NFATC1: variants seen among roughly 807,000 people sequenced by gnomAD.
The protein encoded by NFATC1 is nuclear factor of activated T-cells, cytoplasmic 1.
NFATC1 carries 22 observed loss-of-function variants against 76.0 expected under a neutral mutation model. The observed-to-expected ratio is 0.29, with a 90% CI of 0.21 to 0.41. The LOEUF (loss-of-function observed/expected upper bound fraction) is 0.41. NFATC1 is among the 10% of genes least tolerant of loss of function. NFATC1 has a pLI of 1.00. For synonymous variants in NFATC1, 704 were observed against 613.1 expected, an observed-to-expected ratio of 1.15 and a Z score of -2.19; for missense variants, 1,357 against 1,337.7, an observed-to-expected ratio of 1.01 and a Z score of -0.23.
chr18:79,419,412 G>C (rs893094667), intron 2 of NFATC1, among the ~76,000 whole-genome samples: 1 of 144,522 alleles, frequency 6.9e-6, no homozygotes, highest in African/African-American at 2.6e-5. Flanking sequence ...CTGCCCGGGA[G>C]CCCCCTAGGA....
At chr18:79,412,163 G>A (rs1199846459) in intron 2 of NFATC1, among the ~76,000 whole-genome samples, 3 of 152,216 alleles carry the variant, frequency 2.0e-5, no homozygotes, top group African/African-American at 7.2e-5. Flanking sequence ...CTTTTTAACC[G>A]TGTGAGGGGC....
chr18:79,520,957 C>CCATG (rs1335373489), intron 9 of NFATC1, among the ~76,000 whole-genome samples: 1 of 65,458 alleles, frequency 1.5e-5, no homozygotes, highest in Non-Finnish European at 2.8e-5. Flanking sequence ...ATGTGTGTGT[C>CCATG]TGTGTGTGGG....
chr18:79,423,819 A>T (rs2086185708), intron 2 of NFATC1, among the ~76,000 whole-genome samples: 1 of 152,084 alleles, frequency 6.6e-6, no homozygotes, highest in Middle Eastern at 3.2e-3. Flanking sequence ...TCCCATGGGC[A>T]CAGAGCTTGG....
At chr18:79,526,061 C>G (rs1489923872) in intron 9 of NFATC1, among the ~76,000 whole-genome samples, 1 of 152,210 alleles carries the variant, frequency 6.6e-6, no homozygotes, top group Non-Finnish European at 1.5e-5. Context: ...ACGTGCGACC[C>G]CCACACAGAA....
At chr18:79,434,686 C>T (rs1472954149) in intron 3 of NFATC1, among the ~76,000 whole-genome samples, 1 of 152,242 alleles carries the variant, frequency 6.6e-6, no homozygotes, top group Non-Finnish European at 1.5e-5. Flanking sequence ...ATGATGCAAG[C>T]CGGAAGGGGT....
At chr18:79,487,382 C>T (rs987194440) in intron 9 of NFATC1, among the ~76,000 whole-genome samples, 5 of 152,192 alleles carry the variant, frequency 3.3e-5, no homozygotes, top group Admixed American at 6.5e-5. Context: ...GCCGAGGTGA[C>T]GAGCACGTTA....
chr18:79,445,473 C>A (rs2087168296), intron 3 of NFATC1, among the ~76,000 whole-genome samples: 1 of 152,192 alleles, frequency 6.6e-6, no homozygotes, highest in East Asian at 1.9e-4. Flanking sequence ...CGCACCACGG[C>A]CTTCACCTGG....
At chr18:79,431,197 C>T (rs1261217291) in intron 2 of NFATC1, among the ~76,000 whole-genome samples, 1 of 152,202 alleles carries the variant, frequency 6.6e-6, no homozygotes, top group African/African-American at 2.4e-5. Context: ...TCTGAGTTTT[C>T]AAATTACTAT....
At chr18:79,508,923 C>A (rs542623126) in intron 9 of NFATC1, among the ~76,000 whole-genome samples, 2 of 152,002 alleles carry the variant, frequency 1.3e-5, no homozygotes, top group South Asian at 4.2e-4. Context: ...TCATGGCGGC[C>A]TTTTCTTTTG....
intron 7 of NFATC1, among the ~76,000 whole-genome samples, chr18:79,466,848 T>C (rs1226689508): frequency 6.6e-6 from 1 of 152,188 alleles, no homozygotes; most frequent in Admixed American, 6.5e-5. Context: ...TTCGCTGCAG[T>C]CACCTGAGCA....
intron 9 of NFATC1, 28 bp downstream of exon 9, chr18:79,486,965 T>C (rs776952723): frequency 2.0e-5 from 31 of 1,561,948 alleles, no homozygotes; most frequent in Non-Finnish European, 2.7e-5. Flanking sequence ...TGCAGGTGTG[T>C]GCCCCGCCTG....
rs925788672 is a variant in NFATC1, at chr18:79,524,728, G to C, written c.2783-2800G>C. On this transcript the variant is annotated intron_variant, in intron 9 of 9. Coordinates refer to ENST00000427363, the MANE Select transcript of NFATC1 (RefSeq NM_001278669.2). This position sits in a 1 kb window ranked among gnomAD's most constrained non-coding sequence, Gnocchi z 7.2. ...AAGGAGGCTGTGGTGGCCCCCGACG[G>C]GAACCTGGGTGGCCGGGGGACACAC... Among the ~76,000 whole-genome samples, 2 of 152,094 alleles carry C rather than the reference G, an allele frequency of 1.3e-5. No individual in the cohort carries two copies. The highest frequency in any genetic ancestry group is 4.8e-5 in the African/African-American group (2 of 41,412).
chr18:79,406,151 C>T (rs192723017), intron 1 of NFATC1, among the ~76,000 whole-genome samples: 1 of 152,364 alleles, frequency 6.6e-6, no homozygotes, highest in African/African-American at 2.4e-5. Context: ...GGCCCCAAGA[C>T]TTGCTCTGTT....
chr18:79,442,230 C>A (rs539041413), intron 3 of NFATC1, among the ~76,000 whole-genome samples: 34 of 152,334 alleles, frequency 2.2e-4, no homozygotes, highest in African/African-American at 7.9e-4. Flanking sequence ...ACGTGGAGAC[C>A]CGCGTGCACG....
chr18:79,418,097 C>T (rs560165664), intron 2 of NFATC1, among the ~76,000 whole-genome samples: 31 of 152,262 alleles, frequency 2.0e-4, no homozygotes, highest in African/African-American at 7.5e-4. Context: ...GTGGAGCCCC[C>T]AGCACCCTGC....
At chr18:79,508,766 G>T (rs557787463) in intron 9 of NFATC1, among the ~76,000 whole-genome samples, 1 of 147,704 alleles carries the variant, frequency 6.8e-6, no homozygotes, top group Non-Finnish European at 1.5e-5. Flanking sequence ...TCCCTTCCTC[G>T]CTCTGTTTCT....
At chr18:79,474,290 G>T (rs1329257025) in intron 8 of NFATC1, among the ~76,000 whole-genome samples, 1 of 126,126 alleles carries the variant, frequency 7.9e-6, no homozygotes, top group Non-Finnish European at 1.6e-5. Context: ...GTGTTCTCAC[G>T]CTCACTGTCG....
intron 8 of NFATC1, among the ~76,000 whole-genome samples, chr18:79,475,307 CCT>C: frequency 7.0e-6 from 1 of 142,618 alleles, no homozygotes. Context: ...ACGTTGTAAA[CCT>C]GAGGGAAGCG....
chr18:79,470,553 A>G (rs1469307312), intron 8 of NFATC1: 1 of 152,204 alleles, frequency 6.6e-6, no homozygotes, highest in African/African-American at 2.4e-5. Context: ...CAGGCAGCAC[A>G]GGGAGGCCCC....
Sources: allele counts gnomAD v4.1 joint callset (sites outside exome capture counted in the v4.1 genomes callset), GRCh38; gene constraint gnomAD v4.1.1; non-coding constraint Gnocchi (gnomAD v3.1); transcripts MANE v1.5; gene names NCBI Gene and HGNC (gene_info 2026-07-23, HGNC 2026-07-21).